PTPRD: variants seen among roughly 807,000 people sequenced by gnomAD.
PTPRD encodes the protein receptor-type tyrosine-protein phosphatase delta.
In PTPRD, 34 loss-of-function variants were observed where a neutral mutation model predicts 214.5. The observed-to-expected ratio is 0.16, with a 90% CI of 0.12 to 0.21. The LOEUF (loss-of-function observed/expected upper bound fraction) is 0.21, where lower values mean the gene tolerates loss of function less well. Among genes scored for constraint, PTPRD ranks in the 10% least tolerant of loss-of-function variants. PTPRD has a pLI of 1.00. For missense variants in PTPRD, 2,545 were observed against 2,398.7 expected (o/e 1.06, Z -1.27); for synonymous variants, 1,128 against 845.7 (o/e 1.33, Z -5.79).
At chr9:10,326,496 ATATT>A (rs1380093528) in intron 3 of PTPRD, among the ~76,000 whole-genome samples, 16 of 151,676 alleles carry the variant, frequency 1.1e-4, no homozygotes, top group African/African-American at 2.4e-4. Context: ...AAAAAGTTGA[ATATT>A]TATTTGTTTG....
In PTPRD at chr9:9,120,223, C is replaced by T. The variant is rs572731382; in HGVS notation, c.-143+63081G>A. On this transcript the variant is annotated intron_variant, in intron 10 of 45. Coordinates refer to ENST00000381196, the MANE Select transcript of PTPRD (RefSeq NM_002839.4). ...GTACTAGACTGAAGAAATCTGTTCA[C>T]CAAATTTATTTGAAGAAAGATGTCA... Among the ~76,000 whole-genome samples, 268 of 152,246 alleles carry T rather than the reference C, an allele frequency of 1.8e-3. 2 individuals carry two copies. Among genetic ancestry groups the T allele is most frequent in the African/African-American group, 6.3e-3 (263 of 41,558 alleles).
chr9:8,806,652 C>A (rs1442196006), intron 11 of PTPRD, among the ~76,000 whole-genome samples: 1 of 152,192 alleles, frequency 6.6e-6, no homozygotes, highest in African/African-American at 2.4e-5. Context: ...ATTTTAATTT[C>A]ATACCTTGGC....
At chr9:9,041,974 C>G (rs1219148277) in intron 10 of PTPRD, among the ~76,000 whole-genome samples, 1 of 152,162 alleles carries the variant, frequency 6.6e-6, no homozygotes, top group Admixed American at 6.5e-5. Flanking sequence ...CAATATATTT[C>G]TTAGAAGGGT....
At chr9:9,470,385 T>C (rs1398628742) in intron 8 of PTPRD, among the ~76,000 whole-genome samples, 2 of 152,198 alleles carry the variant, frequency 1.3e-5, no homozygotes, top group Non-Finnish European at 2.9e-5. Flanking sequence ...TTATATTTTG[T>C]ACAGTTTCAA....
chr9:8,965,488 ATACT>A (rs1392697714), intron 11 of PTPRD, among the ~76,000 whole-genome samples: 5 of 152,102 alleles, frequency 3.3e-5, no homozygotes, highest in African/African-American at 1.2e-4. Context: ...ACTTCTAGAA[ATACT>A]TATTTTATGA....
chr9:8,706,400 T>C (rs2098210123), intron 12 of PTPRD, among the ~76,000 whole-genome samples: 1 of 152,206 alleles, frequency 6.6e-6, no homozygotes, highest in African/African-American at 2.4e-5. Flanking sequence ...TTTTCAGACT[T>C]GAAATAGCTT....
intron 14 of PTPRD, among the ~76,000 whole-genome samples, chr9:8,542,373 G>A (rs997612334): frequency 6.6e-6 from 1 of 152,144 alleles, no homozygotes. Flanking sequence ...ATAGCCCTGT[G>A]GCAAGATAAA....
At chr9:10,102,713 C>G (rs1445940765) in intron 3 of PTPRD, among the ~76,000 whole-genome samples, 1 of 151,504 alleles carries the variant, frequency 6.6e-6, no homozygotes, top group African/African-American at 2.4e-5. Context: ...CCAATTCACT[C>G]TGATATATGT....
intron 3 of PTPRD, among the ~76,000 whole-genome samples, chr9:10,115,178 A>C (rs1038748833): frequency 2.0e-5 from 3 of 152,078 alleles, no homozygotes; most frequent in Admixed American, 6.6e-5. Flanking sequence ...CTTTGGGTGT[A>C]TCTAGAAATT....
chr9:9,415,728 G>A (rs188433022), intron 8 of PTPRD, among the ~76,000 whole-genome samples: 27 of 152,262 alleles, frequency 1.8e-4, no homozygotes, highest in African/African-American at 5.8e-4. Context: ...TACTCAAGTA[G>A]TTCTCAATCT....
chr9:10,281,746 C>T (rs751806840), intron 3 of PTPRD, among the ~76,000 whole-genome samples: 1 of 152,014 alleles, frequency 6.6e-6, no homozygotes, highest in Non-Finnish European at 1.5e-5. Context: ...AAAACTCATC[C>T]TCATTAAATT....
chr9:9,440,111 G>T (rs968598305), intron 8 of PTPRD, among the ~76,000 whole-genome samples: 3 of 152,064 alleles, frequency 2.0e-5, no homozygotes, highest in Non-Finnish European at 4.4e-5. Context: ...ACAGTTCAAT[G>T]AAAATATCAT....
intron 3 of PTPRD, among the ~76,000 whole-genome samples, chr9:10,102,424 C>T (rs832264): frequency 0.99 from 149,787 of 151,566 alleles, 74,025 homozygotes; most frequent in East Asian, 1. Context: ...ACCCACTAAA[C>T]TTATTATTAA....
intron 11 of PTPRD, among the ~76,000 whole-genome samples, chr9:8,999,837 T>C (rs16928736): frequency 0.068 from 10,296 of 152,086 alleles, 844 homozygotes; most frequent in African/African-American, 0.19. Context: ...GACCGCAGTC[T>C]GTAGATTGAG....
chr9:8,600,701 G>A (rs1594951796), intron 14 of PTPRD, among the ~76,000 whole-genome samples: 1 of 151,664 alleles, frequency 6.6e-6, no homozygotes, highest in Non-Finnish European at 1.5e-5. Flanking sequence ...ACCCAGTCCA[G>A]GCAGAATCCA....
chr9:8,554,228 G>T (rs1296204828), intron 14 of PTPRD, among the ~76,000 whole-genome samples: 1 of 152,000 alleles, frequency 6.6e-6, no homozygotes, highest in Non-Finnish European at 1.5e-5. Context: ...ATTATAGTTG[G>T]GGAAGGAAGG....
intron 4 of PTPRD, among the ~76,000 whole-genome samples, chr9:10,006,313 AG>A (rs1483026218): frequency 6.6e-6 from 1 of 152,056 alleles, no homozygotes; most frequent in African/African-American, 2.4e-5. Context: ...GTGCAGCTCT[AG>A]TCCCATTATT....
chr9:9,597,052 G>A (rs1387775916), intron 7 of PTPRD, among the ~76,000 whole-genome samples: 2 of 151,968 alleles, frequency 1.3e-5, no homozygotes, highest in Non-Finnish European at 2.9e-5. Flanking sequence ...CAAAAAAGCT[G>A]CAGGTAAGAA....
chr9:9,743,769 C>CACACACACACAA (rs1554959352), intron 6 of PTPRD, among the ~76,000 whole-genome samples: 1 of 146,270 alleles, frequency 6.8e-6, no homozygotes, highest in East Asian at 1.9e-4. Flanking sequence ...CACACACACA[C>CACACACACACAA]AATTTATACT....
Sources: allele counts gnomAD v4.1 joint callset (sites outside exome capture counted in the v4.1 genomes callset), GRCh38; gene constraint gnomAD v4.1.1; transcripts MANE v1.5; gene names NCBI Gene and HGNC (gene_info 2026-07-23, HGNC 2026-07-21).